Variants in RSRP1 observed in about 807,000 individuals in gnomAD.
RSRP1 encodes the protein arginine and serine rich protein 1.
RSRP1 carries 37 observed loss-of-function variants against 33.0 expected under a neutral mutation model. The observed-to-expected ratio is 1.12, with a 90% confidence interval of 0.86 to 1.48. The LOEUF (loss-of-function observed/expected upper bound fraction) is 1.48. Among genes scored for constraint, RSRP1 ranks in the 40% most tolerant of loss-of-function variants. RSRP1 has a pLI of 0.00. For synonymous variants in RSRP1, 167 were observed against 158.7 expected (o/e 1.05, Z -0.40); for missense variants, 402 against 385.3 (o/e 1.04, Z -0.36).
chr1:25,321,536 G>A (rs1644703516), intron 1 of RSRP1, among the ~76,000 whole-genome samples: 2 of 122,044 alleles, frequency 1.6e-5, no homozygotes, highest in African/African-American at 5.5e-5. Context: ...TGGATGTGGT[G>A]GCAGGCGCCT....
chr1:25,286,418 A>T (rs1641995912), intron 1 of RSRP1, among the ~76,000 whole-genome samples: 1 of 133,696 alleles, frequency 7.5e-6, no homozygotes, highest in Admixed American at 7.2e-5. Context: ...GAACCCAGTG[A>T]GGTTGAGGCT....
At chr1:25,251,409 G>T (rs780383708), upstream of RSRP1, among the ~76,000 whole-genome samples, 3 of 150,912 alleles carry the variant, frequency 2.0e-5, no homozygotes, top group Non-Finnish European at 4.4e-5. Context: ...TCACTCTGTT[G>T]CCCAGGCTGC....
chr1:25,261,030 G>A (rs991258411), intron 1 of RSRP1, among the ~76,000 whole-genome samples: 1 of 152,072 alleles, frequency 6.6e-6, no homozygotes, highest in African/African-American at 2.4e-5. Context: ...TCCAACTCCT[G>A]ACCTTGTCAT....
chr1:25,270,419 C>T lies in RSRP1; in HGVS notation c.-66-23390G>A, dbSNP rs1307703347. ...GCTCCGCCTCCTGTCAGATCAGCAG[C>T]GGCATTAGATTCTCATAGGGGCACA... On this transcript the variant is annotated intron_variant, in intron 1 of 1. Coordinates refer to the RSRP1 transcript ENST00000561867. 3.1e-5 allele frequency among the ~76,000 whole-genome samples: 4 copies of T among 130,798 alleles called. 1 individual carries two copies. The highest frequency in any genetic ancestry group is 7.9e-5 in the African/African-American group (3 of 37,836). The allele number at this position is 130,798 out of a possible 152,430, so 85.8% of individuals were successfully genotyped here.
At position 25,312,299 on chromosome 1, in the gene RSRP1, T is replaced by G. The variant is rs997713190; in HGVS notation, c.-67+25679A>C. On this transcript the variant is annotated intron_variant, in intron 1 of 1. Coordinates refer to the RSRP1 transcript ENST00000561867. ...CTGTCCTATGCCTGTTCCACTGTTG[T>G]ATTTTGGAAGTCAATAACTTGTTTT... 9.9e-5 allele frequency among the ~76,000 whole-genome samples: 10 copies of G among 101,170 alleles called. 2 individuals are homozygous for G. The highest frequency in any genetic ancestry group is 1.4e-4 in the Non-Finnish European group (6 of 42,004). 66.4% of individuals were successfully genotyped at this position (101,170 alleles called of 152,430 possible).
intron 1 of RSRP1, among the ~76,000 whole-genome samples, chr1:25,320,033 G>A (rs548413424): frequency 7.6e-6 from 1 of 131,272 alleles, no homozygotes; most frequent in African/African-American, 2.6e-5. Context: ...CGAGTAGCTG[G>A]GATTACAGGC....
intron 1 of RSRP1, chr1:25,301,637 C>G: frequency 7.2e-7 from 1 of 1,380,424 alleles, no homozygotes; most frequent in Non-Finnish European, 1.0e-6. Context: ...AGCGTGGTGA[C>G]AGCCATCTCA....
intron 1 of RSRP1, among the ~76,000 whole-genome samples, chr1:25,262,056 T>A (rs1231805523): frequency 6.6e-6 from 1 of 152,200 alleles, no homozygotes; most frequent in Non-Finnish European, 1.5e-5. Context: ...TCCATTTCAA[T>A]TAACTATAAT....
chr1:25,287,624 A>C (rs1389645790), intron 1 of RSRP1, among the ~76,000 whole-genome samples: 1 of 135,422 alleles, frequency 7.4e-6, no homozygotes, highest in Non-Finnish European at 1.8e-5. Flanking sequence ...TATCTTATTC[A>C]ACGTTGTTGT....
chr1:25,269,338 G>A (rs1167592293), intron 1 of RSRP1, among the ~76,000 whole-genome samples: 7 of 132,930 alleles, frequency 5.3e-5, no homozygotes, highest in Admixed American at 2.2e-4. Flanking sequence ...TCCACTGCAT[G>A]TGTGTTGCTT....
chr1:25,258,330 A>G (rs1178304743), intron 1 of RSRP1, among the ~76,000 whole-genome samples: 2 of 152,048 alleles, frequency 1.3e-5, no homozygotes, highest in Non-Finnish European at 2.9e-5. Flanking sequence ...ACAGATGTGC[A>G]CCACCATGCC....
chr1:25,278,536 G>T (rs1274387331), intron 1 of RSRP1, among the ~76,000 whole-genome samples: 1 of 131,484 alleles, frequency 7.6e-6, no homozygotes, highest in East Asian at 2.0e-4. Context: ...TGCAGTTTGG[G>T]GTGGGATGGC....
chr1:25,296,672 G>T (rs1642986693), intron 1 of RSRP1, among the ~76,000 whole-genome samples: 1 of 130,626 alleles, frequency 7.7e-6, no homozygotes, highest in African/African-American at 2.6e-5. Context: ...TTTCCCCCAT[G>T]CTGTTCTTGT....
At position 25,300,913 on chromosome 1, in the gene RSRP1, G is replaced by T; in HGVS notation, c.-67+37065C>A. The T allele has an allele frequency of 1.5e-6, 2 of 1,370,558 alleles. 1 individual carries two copies. Among genetic ancestry groups the T allele is most frequent in the Non-Finnish European group, 2.1e-6 (2 of 974,936 alleles). The allele number at this position is 1,370,558 out of a possible 1,614,324, so 84.9% of individuals were successfully genotyped here. On this transcript the variant is annotated intron_variant, in intron 1 of 1. Coordinates refer to the RSRP1 transcript ENST00000561867. Reference sequence around the variant, plus strand: ...GGGCTTGCCCCGGGCAGAGGATGCCGACACTCACTGCTCTTACTGGGTTTT... The same window carrying T: ...GGGCTTGCCCCGGGCAGAGGATGCCTACACTCACTGCTCTTACTGGGTTTT...
At chr1:25,321,859 C>G in intron 1 of RSRP1, 1 of 1,052,916 alleles carries the variant, frequency 9.5e-7, no homozygotes, top group Non-Finnish European at 1.5e-6. Context: ...TGCTCCAAAT[C>G]TTTTAACATT....
intron 1 of RSRP1, among the ~76,000 whole-genome samples, chr1:25,297,586 G>T (rs1217576381): frequency 7.6e-6 from 1 of 130,866 alleles, no homozygotes; most frequent in East Asian, 2.0e-4. Flanking sequence ...TTCAGTAGTT[G>T]GCATTCTTCT....
At chr1:25,244,364 A>G (rs1199182919) in intron 3 of RSRP1, 1 of 1,289,102 alleles carries the variant, frequency 7.8e-7, no homozygotes, top group Admixed American at 2.3e-5. Context: ...TAGCATGCAC[A>G]TGGATCTACC....
chr1:25,243,191 G>C (rs964722582), intron 4 of RSRP1, among the ~76,000 whole-genome samples: 2 of 152,198 alleles, frequency 1.3e-5, no homozygotes, highest in Non-Finnish European at 2.9e-5. Flanking sequence ...GCAGCAGGGA[G>C]ACACTGGACA....
upstream of RSRP1, among the ~76,000 whole-genome samples, chr1:25,250,614 G>A (rs901517034): frequency 9.9e-5 from 15 of 152,208 alleles, no homozygotes; most frequent in Admixed American, 8.5e-4. Flanking sequence ...TAAGGTTAAG[G>A]ATCTGGAGAT....
Sources: allele counts gnomAD v4.1 joint callset (sites outside exome capture counted in the v4.1 genomes callset), GRCh38; gene constraint gnomAD v4.1.1; transcripts MANE v1.5; gene names NCBI Gene and HGNC (gene_info 2026-07-23, HGNC 2026-07-21).